FER1L5: variants seen among roughly 807,000 people sequenced by gnomAD.
FER1L5 encodes the protein fer-1 like family member 5, also known as fer-1-like protein 5.
FER1L5 carries 187 observed loss-of-function variants against 279.9 expected under a neutral mutation model. The observed-to-expected ratio is 0.67, with a 90% CI of 0.59 to 0.75. FER1L5 has a LOEUF of 0.75. FER1L5 is among the 30% of genes least tolerant of loss of function. The pLI is 0.00. For missense variants in FER1L5, 2,091 were observed against 2,594.4 expected (o/e 0.81, Z 4.21); for synonymous variants, 921 against 989.7 (o/e 0.93, Z 1.30).
intron 23 of FER1L5, among the ~76,000 whole-genome samples, 163 bp downstream of exon 23, chr2:96,686,513 G>A (rs2076931674): frequency 6.6e-6 from 1 of 152,204 alleles, no homozygotes; most frequent in African/African-American, 2.4e-5. Context: ...GTCTGTGGCT[G>A]TCAGCATGTT....
At position 96,646,413 on chromosome 2, in the gene FER1L5, G is replaced by C. The variant is rs71427088; in HGVS notation, c.98G>C (p.Arg33Thr). 6.4e-7 allele frequency: 1 copy of C among 1,551,726 alleles called. No homozygotes were observed. The highest frequency in any genetic ancestry group is 2.4e-5 in the East Asian group (1 of 40,918). The change falls in exon 2 of 53, where the codon AGA becomes ACA. Residue 33 changes from arginine to threonine, a missense_variant. Physicochemically the swap from Arg to Thr is moderately conservative, Grantham distance 71 (BLOSUM62 -1). Transcript: ENST00000624922. ...GGTTTCTTTGCAGATATCAAGAAAA[G>C]AACTCGTGTGGTGGAAGGGAATGAT... Reference protein sequence around the residue: ...MSIDFRDIKKRTRVVEGNDPV... With the variant: ...MSIDFRDIKKTTRVVEGNDPV...
chr2:96,653,288 C>T (rs772498004), intron 7 of FER1L5: 18 of 270,936 alleles, frequency 6.6e-5, no homozygotes, highest in Non-Finnish European at 1.1e-4. Context: ...TTGAGTATCC[C>T]TTACCCAAAA....
chr2:96,691,322 A>T lies in FER1L5; in HGVS notation c.2876A>T (p.His959Leu). The T allele has an allele frequency of 6.5e-7, 1 of 1,550,386 alleles. No homozygotes were observed. Among genetic ancestry groups the T allele is most frequent in the South Asian group, 1.2e-5 (1 of 84,036 alleles). ...VRFRNHGELS[H>L]EQETLSFLQL... ...TTCAGGAACCATGGGGAGCTGAGCC[A>T]CGAGCAGGAGACCCTCTCCTTCCTG... Residue 959 changes from histidine (H) to leucine (L), a missense_variant, in exon 28 of 53, where the codon CAC (histidine) becomes CTC (leucine). Physicochemically the swap from His to Leu is moderately conservative, Grantham distance 99. Coordinates refer to ENST00000624922, the MANE Select transcript of FER1L5 (RefSeq NM_001293083.2). The surrounding 1 kb of genome is among the most constrained non-coding windows in gnomAD (Gnocchi z 6.0).
chr2:96,644,518 G>A (rs983744461), intron 1 of FER1L5, among the ~76,000 whole-genome samples: 2 of 151,478 alleles, frequency 1.3e-5, no homozygotes, highest in Non-Finnish European at 2.9e-5. Context: ...AGAGAGAGAA[G>A]TGTAGAGAAA....
chr2:96,700,825 C>T (rs1040468720), intron 45 of FER1L5, among the ~76,000 whole-genome samples: 4 of 152,186 alleles, frequency 2.6e-5, no homozygotes, highest in South Asian at 2.1e-4. Flanking sequence ...CATGACAACG[C>T]GGGTTCTGGC....
intron 37 of FER1L5, 70 bp downstream of exon 37, chr2:96,696,147 G>T (rs2153302143): frequency 1.3e-6 from 2 of 1,597,248 alleles, no homozygotes. Flanking sequence ...CCTAAGGAGG[G>T]GTGTCCATTA....
At chr2:96,695,686 G>C (rs769513825) in intron 35 of FER1L5, 25 bp downstream of exon 35, 2 of 1,606,066 alleles carry the variant, frequency 1.2e-6, no homozygotes, top group Non-Finnish European at 8.5e-7. Flanking sequence ...GGCAGGGGCT[G>C]GGCAGCCCTC....
chr2:96,659,106 TG>T, intron 9 of FER1L5, among the ~76,000 whole-genome samples: 1 of 151,956 alleles, frequency 6.6e-6, no homozygotes, highest in East Asian at 1.9e-4. Flanking sequence ...TAATATTTTT[TG>T]TATTTTCAGT....
At chr2:96,663,353 G>A in intron 13 of FER1L5, 86 bp from the exon 14 acceptor site, 2 of 1,264,412 alleles carry the variant, frequency 1.6e-6, no homozygotes, top group South Asian at 1.3e-5. Flanking sequence ...TGTCCACTGG[G>A]AGGCTGGACA....
chr2:96,659,373 C>CTT (rs1234942222), intron 9 of FER1L5, among the ~76,000 whole-genome samples: 1 of 11,774 alleles, frequency 8.5e-5, no homozygotes, highest in Non-Finnish European at 1.3e-4. Context: ...TTCTTTCTTT[C>CTT]TTTCTTTCTT....
chr2:96,665,113 A>G (rs1183839878), intron 14 of FER1L5, among the ~76,000 whole-genome samples: 1 of 152,184 alleles, frequency 6.6e-6, no homozygotes, highest in African/African-American at 2.4e-5. Flanking sequence ...TTTGACTCTA[A>G]GTCAGGCTTC....
At position 96,699,126 on chromosome 2, in the gene FER1L5, A is replaced by G; in HGVS notation, c.4600A>G (p.Ile1534Val). The change falls in exon 42 of 53, where the codon ATC becomes GTC. Residue 1534 changes from isoleucine to valine, a missense_variant. By Grantham distance (29) the Ile-to-Val change is conservative. Coordinates refer to ENST00000624922, the MANE Select transcript of FER1L5 (RefSeq NM_001293083.2). Reference protein sequence around the residue: ...DMYQPNTLDPIFGMMFELTCN... With the variant: ...DMYQPNTLDPVFGMMFELTCN... ...GTACCAGCCCAACACTCTGGATCCC[A>G]TCTTTGGCATGTGAGCTGCCCCAAC... The G allele has an allele frequency of 6.2e-7, 1 of 1,608,806 alleles. No individual in the cohort carries two copies. Among genetic ancestry groups the G allele is most frequent in the Non-Finnish European group, 8.5e-7 (1 of 1,177,672 alleles).
rs2075303057 is a variant in FER1L5 at position 96,650,164 on chromosome 2, C to CA, written c.395-15dup. On this transcript the variant is annotated splice_polypyrimidine_tract_variant and intron_variant, in intron 5 of 52. Transcript: ENST00000624922. ...GCCCCAGGCCTCTGACCCCACCCTG[C>CA]ACTGTGTCTCCCCAGGAGCTGAAGA... is the stretch of plus-strand genomic sequence containing the variant. The CA allele has an allele frequency of 6.5e-7, 1 of 1,547,662 alleles. No homozygotes were observed. Among genetic ancestry groups the CA allele is most frequent in the African/African-American group, 1.4e-5 (1 of 72,966 alleles).
Position 96,661,572 on chromosome 2 carries a change from C to T in FER1L5, c.895-96C>T, listed in dbSNP as rs563020215. 1.7e-5 allele frequency: 26 copies of T among 1,530,912 alleles called. No homozygotes were observed. In the African/African-American group the frequency reaches 2.2e-4, roughly 13 times the overall value. The allele number at this position is 1,530,912 out of a possible 1,614,324, so 94.8% of individuals were successfully genotyped here. A position where few individuals can be genotyped will look rare whatever the true frequency, so the allele number is the denominator to read the frequency against. Reference sequence around the variant, plus strand: ...CGTCACTGCAGGGTTGTCCCATCCCCCCTGCACCAAGTGGGAAGTTGGAGA... The same window carrying T: ...CGTCACTGCAGGGTTGTCCCATCCCTCCTGCACCAAGTGGGAAGTTGGAGA... On this transcript the variant is annotated intron_variant, in intron 11 of 52. Transcript: ENST00000624922.
At position 96,642,921 on chromosome 2, in the gene FER1L5, G is replaced by A. The variant is rs2074945900; in HGVS notation, c.85G>A (p.Asp29Asn). Residue 29 changes from aspartate to asparagine, a missense_variant and splice_region_variant, in exon 1 of 53, where the codon GAT becomes AAT. Asp to Asn is a conservative substitution (Grantham distance 23). Transcript: ENST00000624922. Reference sequence around the variant, plus strand: ...GCCCTGCATGTCCATCGACTTCAGAGGTGAGAGCCTCCCTGGGTCCACATG... The same window carrying A: ...GCCCTGCATGTCCATCGACTTCAGAAGTGAGAGCCTCCCTGGGTCCACATG... ...PRPCMSIDFR[D>N]IKKRTRVVEG... The A allele has an allele frequency of 1.3e-6, 2 of 1,550,060 alleles. No homozygotes were observed. The highest frequency in any genetic ancestry group is 1.4e-5 in the African/African-American group (1 of 72,972).
At chr2:96,668,725 C>T in intron 14 of FER1L5, 26 bp from the exon 15 acceptor site, 2 of 1,551,320 alleles carry the variant, frequency 1.3e-6, no homozygotes, top group Non-Finnish European at 8.7e-7. Context: ...TGTGTACCCA[C>T]CGCACCTCTC....
chr2:96,662,623 T>C lies in FER1L5; in HGVS notation c.1071+356T>C, dbSNP rs1221717107. Among the ~76,000 whole-genome samples the C allele has an allele frequency of 5.3e-5, 8 of 152,316 alleles. No homozygotes were observed. In the East Asian group the frequency reaches 1.5e-3, roughly 29 times the overall value. ...GAACCTCTATGAATACGGAATAGCA[T>C]TTTCCAAAGTGTGCTGATGGGTGTC... On this transcript the variant is annotated intron_variant, in intron 13 of 52. Transcript: ENST00000624922.
At chr2:96,647,431 A>G (rs1234015345) in intron 3 of FER1L5, among the ~76,000 whole-genome samples, 1 of 152,108 alleles carries the variant, frequency 6.6e-6, no homozygotes, top group African/African-American at 2.4e-5. Flanking sequence ...GCTTCTTATC[A>G]CAGCCTCATC....
In FER1L5 at chr2:96,695,766, G is replaced by A. The variant is rs1373192236; in HGVS notation, c.3919G>A (p.Ala1307Thr). Residue 1307 changes from alanine to threonine, a missense_variant, in exon 36 of 53, where the codon GCA (alanine) becomes ACA (threonine). Physicochemically the swap from Ala to Thr is moderately conservative, Grantham distance 58. Coordinates refer to ENST00000624922, the MANE Select transcript of FER1L5 (RefSeq NM_001293083.2). The part of the protein sequence containing the change: ...TVLMPTEEAY[A>T]LPLVVKVVDN... ...GCTCATGCCGACGGAGGAGGCCTAT[G>A]CACTGCCCCTCGTGGTGAAGGTGGT... is the stretch of plus-strand genomic sequence containing the variant. 1 of 1,612,818 alleles carries A rather than the reference G, an allele frequency of 6.2e-7. No homozygotes were observed. Among genetic ancestry groups the A allele is most frequent in the Non-Finnish European group, 8.5e-7 (1 of 1,179,452 alleles).
Sources: allele counts gnomAD v4.1 joint callset (sites outside exome capture counted in the v4.1 genomes callset), GRCh38; gene constraint gnomAD v4.1.1; non-coding constraint Gnocchi (gnomAD v3.1); transcripts MANE v1.5; gene names NCBI Gene and HGNC (gene_info 2026-07-23, HGNC 2026-07-21).